The following HID1 variants were observed in gnomAD, a reference collection of about 807,000 sequenced individuals.
HID1 encodes the protein protein HID1.
Under a neutral mutation model 89.7 loss-of-function variants are expected in HID1, and 42 were observed. That is an observed-to-expected ratio of 0.47 (90% CI 0.37 to 0.61). HID1 has a LOEUF of 0.61. Among genes scored for constraint, HID1 ranks in the 20% least tolerant of loss-of-function variants. The pLI is 0.00. For synonymous variants in HID1, 442 were observed against 433.8 expected (o/e 1.02, Z -0.24); for missense variants, 854 against 1,039.3 (o/e 0.82, Z 2.45).
chr17:74,964,332 C>T, intron 2 of HID1, 151 bp downstream of exon 2: 1 of 891,260 alleles, frequency 1.1e-6, no homozygotes, highest in Non-Finnish European at 1.7e-6. Context: ...GTCCCAACGC[C>T]CAGCAAAGAG....
intron 1 of HID1, among the ~76,000 whole-genome samples, chr17:74,971,597 G>C (rs957828909): frequency 1.3e-5 from 2 of 152,058 alleles, no homozygotes; most frequent in African/African-American, 2.4e-5. Flanking sequence ...AGCAGGAGGT[G>C]GGGGGGCCAG....
At chr17:74,965,311 C>T (rs898104760) in intron 1 of HID1, among the ~76,000 whole-genome samples, 8 of 152,378 alleles carry the variant, frequency 5.3e-5, no homozygotes, top group Admixed American at 2.0e-4. Context: ...GCATGCACCA[C>T]GGCACCGCTG....
rs949549684 is a variant in HID1, at chr17:74,972,201, A to T, written c.66+390T>A. On this transcript the variant is annotated intron_variant, in intron 1 of 18. Coordinates refer to ENST00000425042, the MANE Select transcript of HID1 (RefSeq NM_030630.3). The surrounding 1 kb of genome is among the most constrained non-coding windows in gnomAD (Gnocchi z 6.4). Reference sequence around the variant, plus strand: ...ACTGTGCGTCCGGGACCCGCGGGCAATGAGGGGCAGGGAGGGGAGCGGACG... The same window carrying T: ...ACTGTGCGTCCGGGACCCGCGGGCATTGAGGGGCAGGGAGGGGAGCGGACG... 7.2e-6 allele frequency among the ~76,000 whole-genome samples: 1 copy of T among 138,544 alleles called. No homozygotes were observed. The highest frequency in any genetic ancestry group is 1.6e-5 in the Non-Finnish European group (1 of 63,874). The allele number at this position is 138,544 out of a possible 152,430, so 90.9% of individuals were successfully genotyped here.
rs1156855494 is a variant in HID1 at position 74,958,533 on chromosome 17, C to G, written c.1241-55G>C. The G allele has an allele frequency of 8.3e-6, 13 of 1,574,874 alleles. No individual in the cohort carries two copies. The highest frequency in any genetic ancestry group is 1.0e-5 in the Non-Finnish European group (12 of 1,160,128). On this transcript the variant is annotated intron_variant, in intron 10 of 18. Transcript: ENST00000425042. The surrounding 1 kb of genome is among the most constrained non-coding windows in gnomAD (Gnocchi z 5.2). ...CGGGTGGGAGGGGGAAGGAGGGGCCCAGGCAGTGACCATTTTGGAGGCCTC... is the reference window on the plus strand; with the variant it reads ...CGGGTGGGAGGGGGAAGGAGGGGCCGAGGCAGTGACCATTTTGGAGGCCTC...
rs758194406 is a variant in HID1, at chr17:74,964,469, T to C, written c.216+14A>G. On this transcript the variant is annotated intron_variant, in intron 2 of 18. Coordinates refer to ENST00000425042, the MANE Select transcript of HID1 (RefSeq NM_030630.3). ...AGGGTGGAAGAGTAGCAGGAGGGAC[T>C]GGGCAGCCCTCACCTTGTAGCACAG... 26 of 1,605,620 alleles carry C rather than the reference T, an allele frequency of 1.6e-5. No individual in the cohort carries two copies. The Admixed American group carries it at 4.1e-4, about 25-fold the overall frequency.
At chr17:74,952,543 C>A (rs548731592) in intron 16 of HID1, among the ~76,000 whole-genome samples, 183 bp from the exon 17 acceptor site, 3 of 152,294 alleles carry the variant, frequency 2.0e-5, no homozygotes, top group African/African-American at 7.2e-5. Flanking sequence ...AGCGCCATGG[C>A]CCCGCGTTAA....
At position 74,954,285 on chromosome 17, in the gene HID1, T is replaced by C. The variant is rs775625242; in HGVS notation, c.1717A>G (p.Thr573Ala). The C allele has an allele frequency of 1.1e-5, 18 of 1,587,724 alleles. No individual in the cohort carries two copies. The highest frequency in any genetic ancestry group is 1.5e-5 in the Non-Finnish European group (18 of 1,167,984). The change falls in exon 14 of 19, where the codon ACC (threonine) becomes GCC (alanine). Residue 573 changes from threonine to alanine, a missense_variant. By Grantham distance (58) the Thr-to-Ala change is moderately conservative. Transcript: ENST00000425042. ...QLANLPTDPP[T>A]IHKALQRRRR... ...CGCCGCTGCAGGGCCTTGTGAATGG[T>C]GGGCGGGTCCGTGGGCAGGTTGGCC...
intron 18 of HID1, 34 bp downstream of exon 18, chr17:74,951,871 T>G: frequency 6.7e-7 from 1 of 1,484,318 alleles, no homozygotes; most frequent in Non-Finnish European, 9.0e-7. Context: ...GGGCAGGCTC[T>G]CAGGTGGACA....
Position 74,955,687 on chromosome 17 carries a change from C to A in HID1, c.1636+105G>T, listed in dbSNP as rs2039378393. 3 of 1,000,316 alleles carry A rather than the reference C, an allele frequency of 3.0e-6. No homozygotes were observed. In the African/African-American group the frequency reaches 4.9e-5, roughly 16 times the overall value. 62.0% of individuals were successfully genotyped at this position (1,000,316 alleles called of 1,614,324 possible). ...GAATGAACTGGGGGCAGAAGGCAAGCAGGCCAGCACCTCCCAGAGGCCACC... is the reference window on the plus strand; with the variant it reads ...GAATGAACTGGGGGCAGAAGGCAAGAAGGCCAGCACCTCCCAGAGGCCACC... On this transcript the variant is annotated intron_variant, in intron 13 of 18. Transcript: ENST00000425042.
intron 3 of HID1, chr17:74,963,404 G>T: frequency 2.1e-6 from 1 of 485,014 alleles, no homozygotes; most frequent in Non-Finnish European, 3.7e-6. Flanking sequence ...CATAAACCCA[G>T]GGCAGGTGGT....
At chr17:74,964,679 G>T in intron 1 of HID1, 47 bp from the exon 2 acceptor site, 1 of 1,573,558 alleles carries the variant, frequency 6.4e-7, no homozygotes, top group Non-Finnish European at 8.6e-7. Context: ...CTGGCCAGAG[G>T]GCCTACACTT....
rs1226307018 is a variant in HID1 at position 74,956,031 on chromosome 17, C to A, written c.1472-75G>T. 3.5e-6 allele frequency: 5 copies of A among 1,445,642 alleles called. No individual in the cohort carries two copies. In the South Asian group the frequency reaches 3.7e-5, roughly 11 times the overall value. 89.6% of individuals were successfully genotyped at this position (1,445,642 alleles called of 1,614,324 possible). ...CTGCACATCCTGGGCCGGGGTGGAA[C>A]AACAGGCTCCTGCTCTCAATCCCTC... On this transcript the variant is annotated intron_variant, in intron 12 of 18. Transcript: ENST00000425042.
chr17:74,963,965 G>A (rs2039524387), intron 2 of HID1, 55 bp from the exon 3 acceptor site: 1 of 1,590,030 alleles, frequency 6.3e-7, no homozygotes, highest in Non-Finnish European at 8.6e-7. Context: ...AAGGACCCTG[G>A]CACTTGGGGT....
Position 74,958,100 on chromosome 17 carries a change from C to T in HID1, c.1471+41G>A, listed in dbSNP as rs373098245. The T allele has an allele frequency of 1.8e-5, 28 of 1,555,768 alleles. No homozygotes were observed. Among genetic ancestry groups the T allele is most frequent in the Non-Finnish European group, 2.3e-5 (27 of 1,149,902 alleles). On this transcript the variant is annotated intron_variant, in intron 12 of 18. Transcript: ENST00000425042. This position sits in a 1 kb window ranked among gnomAD's most constrained non-coding sequence, Gnocchi z 5.2. ...CAGGTTGGCCTGTGGCCTGACACCA[C>T]CTGGTGGTGAGCGCGGGGAGTGCAA...
chr17:74,968,020 A>C (rs2039588804), intron 1 of HID1: 1 of 151,926 alleles, frequency 6.6e-6, no homozygotes, highest in Non-Finnish European at 1.5e-5. Context: ...CAGGAAGATC[A>C]CTTGAGCCCA....
In HID1 at chr17:74,951,490, G is replaced by T; in HGVS notation, c.*80C>A. On this transcript the variant is annotated 3_prime_UTR_variant, in exon 19 of 19. Transcript: ENST00000425042. Reference sequence around the variant, plus strand: ...CAGGCCCTGATCGTGGTAATTTAAAGCTCAGAATGGTGGATGGGGGAAGCC... The same window carrying T: ...CAGGCCCTGATCGTGGTAATTTAAATCTCAGAATGGTGGATGGGGGAAGCC... The T allele has an allele frequency of 7.3e-7, 1 of 1,373,808 alleles. No individual in the cohort carries two copies. Among genetic ancestry groups the T allele is most frequent in the Non-Finnish European group, 1.0e-6 (1 of 980,864 alleles). 85.1% of individuals were successfully genotyped at this position (1,373,808 alleles called of 1,614,324 possible). A position where few individuals can be genotyped will look rare whatever the true frequency, so the allele number is the denominator to read the frequency against.
At chr17:74,952,677 G>A (rs919864676) in intron 16 of HID1, among the ~76,000 whole-genome samples, 3 of 152,218 alleles carry the variant, frequency 2.0e-5, no homozygotes, top group African/African-American at 7.2e-5. Flanking sequence ...GAGACACAGG[G>A]CGTGGGGATG....
rs1370740313 is a variant in HID1 at position 74,958,029 on chromosome 17, G to T, written c.1471+112C>A. The T allele has an allele frequency of 1.1e-6, 1 of 878,352 alleles. No homozygotes were observed. The highest frequency in any genetic ancestry group is 1.8e-6 in the Non-Finnish European group (1 of 559,300). 54.4% of individuals were successfully genotyped at this position (878,352 alleles called of 1,614,324 possible). A position where few individuals can be genotyped will look rare whatever the true frequency, so the allele number is the denominator to read the frequency against. ...GCTACTATGAAGGGTACACAAGCTT[G>T]CGTTCTTTCTGTGGGCTGGAGGGGC... On this transcript the variant is annotated intron_variant, in intron 12 of 18. Transcript: ENST00000425042. The surrounding 1 kb of genome is among the most constrained non-coding windows in gnomAD (Gnocchi z 5.2).
rs149038644 is a variant in HID1 at position 74,954,766 on chromosome 17, G to A, written c.1637-401C>T. ...GGCCAGGAGAAGTCACAGAGGATCC[G>A]TCCATCCCCCAACGCTGACTTCTCC... On this transcript the variant is annotated intron_variant, in intron 13 of 18. Transcript: ENST00000425042. 67 of 267,918 alleles carry A rather than the reference G, an allele frequency of 2.5e-4. No individual in the cohort carries two copies. The East Asian group carries it at 5.5e-3, about 22-fold the overall frequency. The allele number at this position is 267,918 out of a possible 1,614,324, so 16.6% of individuals were successfully genotyped here.
Sources: allele counts gnomAD v4.1 joint callset (sites outside exome capture counted in the v4.1 genomes callset), GRCh38; gene constraint gnomAD v4.1.1; non-coding constraint Gnocchi (gnomAD v3.1); transcripts MANE v1.5; gene names NCBI Gene and HGNC (gene_info 2026-07-23, HGNC 2026-07-21).